LRPPRC: variants seen among roughly 807,000 people sequenced by gnomAD.
LRPPRC encodes the protein leucine-rich PPR motif-containing protein, mitochondrial.
LRPPRC carries 120 observed loss-of-function variants against 180.3 expected under a neutral mutation model. That is an observed-to-expected ratio of 0.67 (90% CI 0.57 to 0.77). The LOEUF is 0.77. LRPPRC is among the 30% of genes least tolerant of loss of function. The pLI is 0.00. For synonymous variants in LRPPRC, 723 were observed against 600.0 expected, an observed-to-expected ratio of 1.21 and a Z score of -3.00; for missense variants, 2,012 against 1,657.2, an observed-to-expected ratio of 1.21 and a Z score of -3.72.
At chr2:43,959,021 G>C in intron 13 of LRPPRC, 1 of 498,230 alleles carries the variant, frequency 2.0e-6, no homozygotes, top group Non-Finnish European at 3.6e-6. Context: ...AAGATGACCA[G>C]AAACATCTCA....
At chr2:43,899,838 A>C (rs898883873) in intron 32 of LRPPRC, among the ~76,000 whole-genome samples, 2 of 152,260 alleles carry the variant, frequency 1.3e-5, no homozygotes, top group Admixed American at 1.3e-4. Flanking sequence ...TTTGCTTCAC[A>C]GCAGTTCAAA....
At position 43,899,622 on chromosome 2, in the gene LRPPRC, A is replaced by T. The variant is rs147807670; in HGVS notation, c.3570-17T>A. 2 of 1,581,246 alleles carry T rather than the reference A, an allele frequency of 1.3e-6. No individual in the cohort carries two copies. Among genetic ancestry groups the T allele is most frequent in the Non-Finnish European group, 1.7e-6 (2 of 1,152,454 alleles). Reference sequence around the variant, plus strand: ...ATGTTATTACTGTTAAAAGCAAAATAAATTACTTAAAAATTTGCTTTTATG... The same window carrying T: ...ATGTTATTACTGTTAAAAGCAAAATTAATTACTTAAAAATTTGCTTTTATG... On this transcript the variant is annotated splice_polypyrimidine_tract_variant and intron_variant, in intron 32 of 37. Coordinates refer to ENST00000260665, the MANE Select transcript of LRPPRC (RefSeq NM_133259.4).
rs1675041538 is a variant in LRPPRC at position 43,995,918 on chromosome 2, C to G, written c.30G>C (p.Trp10Cys). 2.6e-5 allele frequency: 39 copies of G among 1,518,246 alleles called. No individual in the cohort carries two copies. Among genetic ancestry groups the G allele is most frequent in the Non-Finnish European group, 3.4e-5 (39 of 1,140,448 alleles). 94.0% of individuals were successfully genotyped at this position (1,518,246 alleles called of 1,614,324 possible). Residue 10 changes from tryptophan to cysteine, a missense_variant, in exon 1 of 38, where the codon TGG (tryptophan) becomes TGC (cysteine). Coordinates refer to ENST00000260665, the MANE Select transcript of LRPPRC (RefSeq NM_133259.4). MAALLRSAR[W>C]LLRAGAAPRL... The stretch of plus-strand genomic sequence containing the variant: ...GCGGGGCCGCCCCGGCACGCAGCAA[C>G]CAACGCGCGGATCTCAGCAGGGCTG...
At chr2:43,926,096 T>C (rs531706503) in intron 25 of LRPPRC, 135 bp from the exon 26 acceptor site, 2 of 618,636 alleles carry the variant, frequency 3.2e-6, no homozygotes, top group East Asian at 2.9e-5. Flanking sequence ...AAACTATATA[T>C]ACTAGTATAC....
intron 26 of LRPPRC, among the ~76,000 whole-genome samples, chr2:43,925,561 G>C (rs1671846878): frequency 6.6e-6 from 1 of 152,172 alleles, no homozygotes; most frequent in Non-Finnish European, 1.5e-5. Context: ...ACCTGCACCA[G>C]AGGAGGGCAA....
chr2:43,912,908 A>C (rs764780423), intron 29 of LRPPRC, among the ~76,000 whole-genome samples: 38 of 152,202 alleles, frequency 2.5e-4, no homozygotes, highest in Non-Finnish European at 2.5e-4. Flanking sequence ...TTTCAAAATA[A>C]ATCGCAAAAT....
At position 43,918,028 on chromosome 2, in the gene LRPPRC, T is replaced by G. The variant is rs1371589016; in HGVS notation, c.3145A>C (p.Lys1049Gln). 1 of 1,606,114 alleles carries G rather than the reference T, an allele frequency of 6.2e-7. No individual in the cohort carries two copies. The highest frequency in any genetic ancestry group is 2.3e-5 in the East Asian group (1 of 44,420). Residue 1049 changes from lysine (K) to glutamine (Q), a missense_variant, in exon 29 of 38, where the codon AAA becomes CAA. Transcript: ENST00000260665. The part of the protein sequence containing the change: ...ILIACRLNQK[K>Q]GAYDIFLNAK... ...CCCCATCCCCGTATGTGCTTGCCTT[T>G]TTTTTGGTTCAATCGGCAGGCAATC... is the stretch of plus-strand genomic sequence containing the variant.
At chr2:43,891,776 G>T (rs1670500617) in intron 36 of LRPPRC, among the ~76,000 whole-genome samples, 1 of 152,224 alleles carries the variant, frequency 6.6e-6, no homozygotes, top group Non-Finnish European at 1.5e-5. Flanking sequence ...AGCGAGAAAT[G>T]AAATGATTAA....
Position 43,886,367 on chromosome 2 carries a change from G to C in LRPPRC, c.*2233C>G, listed in dbSNP as rs565623607. 1.2e-4 allele frequency: 18 copies of C among 152,190 alleles called. No individual in the cohort carries two copies. The highest frequency in any genetic ancestry group is 4.3e-4 in the African/African-American group (18 of 41,530). 9.4% of individuals were successfully genotyped at this position (152,190 alleles called of 1,614,324 possible). A position where few individuals can be genotyped will look rare whatever the true frequency, so the allele number is the denominator to read the frequency against. On this transcript the variant is annotated 3_prime_UTR_variant, in exon 38 of 38. Coordinates refer to ENST00000260665, the MANE Select transcript of LRPPRC (RefSeq NM_133259.4). The stretch of plus-strand genomic sequence containing the variant: ...TTTTAGAATTAGCTGCTTATAATTT[G>C]AGTGTAAATGTATTACAGAAAGCTG...
chr2:43,970,332 G>C (rs545757828), intron 11 of LRPPRC, among the ~76,000 whole-genome samples: 1 of 152,234 alleles, frequency 6.6e-6, no homozygotes, highest in Non-Finnish European at 1.5e-5. Context: ...CCCACCTTCT[G>C]CTCAATCACT....
intron 35 of LRPPRC, 66 bp downstream of exon 35, chr2:43,896,568 A>T: frequency 9.7e-7 from 1 of 1,033,134 alleles, no homozygotes; most frequent in Non-Finnish European, 1.5e-6. Context: ...CTTTTATGTT[A>T]AATTCAATAC....
chr2:43,946,578 T>G (rs1442277679), intron 20 of LRPPRC, among the ~76,000 whole-genome samples: 1 of 152,118 alleles, frequency 6.6e-6, no homozygotes, highest in Non-Finnish European at 1.5e-5. Context: ...CACAGTCTAA[T>G]TTCAGGATGC....
chr2:43,959,875 CTG>C (rs1673268473), intron 13 of LRPPRC, among the ~76,000 whole-genome samples: 2 of 152,116 alleles, frequency 1.3e-5, no homozygotes, highest in South Asian at 4.1e-4. Context: ...CAGAGTGAGA[CTG>C]TGTCTCAAAA....
chr2:43,899,102 C>A lies in LRPPRC; in HGVS notation c.3825+117G>T, dbSNP rs1020645766. 3 of 737,870 alleles carry A rather than the reference C, an allele frequency of 4.1e-6. No individual in the cohort carries two copies. In the Admixed American group the frequency reaches 6.0e-5, roughly 15 times the overall value. 45.7% of individuals were successfully genotyped at this position (737,870 alleles called of 1,614,324 possible). Reference sequence around the variant, plus strand: ...GTGATTCACACTGAATGTAAACAAGCTAGCTGCACACCACACTGAATTTCT... The same window carrying A: ...GTGATTCACACTGAATGTAAACAAGATAGCTGCACACCACACTGAATTTCT... On this transcript the variant is annotated intron_variant, in intron 34 of 37. Coordinates refer to ENST00000260665, the MANE Select transcript of LRPPRC (RefSeq NM_133259.4).
rs2103717538 is a variant in LRPPRC, at chr2:43,975,223, A to G, written c.738-6T>C. ...TTTCTGCATTCTCCATATCACTACA[A>G]GTTAATTCAAAAAACAGATTATTAT... On this transcript the variant is annotated splice_region_variant and splice_polypyrimidine_tract_variant and intron_variant, in intron 6 of 37. Transcript: ENST00000260665. 2 of 1,611,656 alleles carry G rather than the reference A, an allele frequency of 1.2e-6. No individual in the cohort carries two copies. The highest frequency in any genetic ancestry group is 1.7e-6 in the Non-Finnish European group (2 of 1,179,268).
At chr2:43,970,579 T>C (rs943868601) in intron 11 of LRPPRC, among the ~76,000 whole-genome samples, 2 of 152,230 alleles carry the variant, frequency 1.3e-5, no homozygotes, top group African/African-American at 4.8e-5. Context: ...AAACTAAGAC[T>C]AAATAATCTA....
At chr2:43,970,497 A>G (rs918063518) in intron 11 of LRPPRC, among the ~76,000 whole-genome samples, 1 of 152,236 alleles carries the variant, frequency 6.6e-6, no homozygotes, top group African/African-American at 2.4e-5. Context: ...TTTTCACAAG[A>G]AAAAGATTAA....
At chr2:43,930,719 GCCCCTGAT>G (rs1213501665) in intron 25 of LRPPRC, among the ~76,000 whole-genome samples, 1 of 152,104 alleles carries the variant, frequency 6.6e-6, no homozygotes, top group Non-Finnish European at 1.5e-5. Flanking sequence ...CATTTTGAAA[GCCCCTGAT>G]ACACAAAGAC....
chr2:43,969,941 G>C (rs1559033449), intron 11 of LRPPRC, among the ~76,000 whole-genome samples: 3 of 152,112 alleles, frequency 2.0e-5, no homozygotes. Context: ...CTCCCAAAGT[G>C]TTGGGATTAC....
Sources: gnomAD v4.1 joint callset for allele counts (sites outside exome capture counted in the v4.1 genomes callset) on GRCh38, gnomAD v4.1.1 for gene constraint, MANE v1.5 for transcripts, NCBI Gene and HGNC (gene_info 2026-07-23, HGNC 2026-07-21) for gene names.